Variants in UBE2E3 observed in about 807,000 individuals in gnomAD.
UBE2E3 encodes the protein ubiquitin conjugating enzyme E2 E3.
UBE2E3 carries 5 observed loss-of-function variants against 23.6 expected under a neutral mutation model. That is an observed-to-expected ratio of 0.21 (90% CI 0.11 to 0.44). The LOEUF (loss-of-function observed/expected upper bound fraction) is 0.44. Among genes scored for constraint, UBE2E3 ranks in the 20% least tolerant of loss-of-function variants. The pLI is 0.99. For missense variants in UBE2E3, 81 were observed against 249.8 expected (o/e 0.32, Z 4.55); for synonymous variants, 78 against 87.5 (o/e 0.89, Z 0.60).
At chr2:180,999,273 A>G (rs186512769) in intron 3 of UBE2E3, among the ~76,000 whole-genome samples, 1 of 152,304 alleles carries the variant, frequency 6.6e-6, no homozygotes, top group East Asian at 1.9e-4. Context: ...AAGAAGAAAA[A>G]CTGAACATTT....
At chr2:181,046,156 G>A (rs148290757) in intron 3 of UBE2E3, among the ~76,000 whole-genome samples, 7 of 152,086 alleles carry the variant, frequency 4.6e-5, no homozygotes, top group Non-Finnish European at 1.0e-4. Flanking sequence ...CCCCACATAA[G>A]TGCCAGCTAT....
At chr2:180,996,486 A>G (rs1684823172) in intron 3 of UBE2E3, among the ~76,000 whole-genome samples, 1 of 152,204 alleles carries the variant, frequency 6.6e-6, no homozygotes. Context: ...TTGTTAATAT[A>G]CAAGAAGCAT....
At chr2:180,987,671 A>T (rs1361700529) in intron 3 of UBE2E3, among the ~76,000 whole-genome samples, 1 of 152,176 alleles carries the variant, frequency 6.6e-6, no homozygotes, top group Non-Finnish European at 1.5e-5. Context: ...TAATGAAATC[A>T]TAAAAGAAGC....
intron 3 of UBE2E3, among the ~76,000 whole-genome samples, chr2:181,052,627 T>C (rs1197847242): frequency 7.1e-6 from 1 of 140,416 alleles, no homozygotes; most frequent in East Asian, 2.9e-4. Flanking sequence ...CTTTCACACA[T>C]TTTAACACCA....
intron 3 of UBE2E3, among the ~76,000 whole-genome samples, chr2:181,004,632 A>G (rs892770309): frequency 1.0e-4 from 15 of 149,218 alleles, no homozygotes; most frequent in African/African-American, 3.4e-4. Context: ...CTCCATCTCA[A>G]AAAAAAAAAA....
At chr2:181,042,480 A>G (rs973584372) in intron 3 of UBE2E3, among the ~76,000 whole-genome samples, 2 of 152,200 alleles carry the variant, frequency 1.3e-5, no homozygotes, top group Admixed American at 6.6e-5. Flanking sequence ...AATTGAATTC[A>G]GATAAAGAAT....
chr2:181,039,148 T>G (rs36015372), intron 3 of UBE2E3, among the ~76,000 whole-genome samples: 2 of 91,284 alleles, frequency 2.2e-5, no homozygotes, highest in East Asian at 3.6e-4. Context: ...TTTTTTTTTT[T>G]GGAAATAGGG....
intron 3 of UBE2E3, among the ~76,000 whole-genome samples, chr2:181,054,173 T>A (rs1359658147): frequency 2.0e-5 from 3 of 151,870 alleles, no homozygotes; most frequent in African/African-American, 7.2e-5. Context: ...TGCAGAATTT[T>A]GTGTGGACAT....
intron 3 of UBE2E3, among the ~76,000 whole-genome samples, chr2:181,042,833 A>G (rs79957882): frequency 0.015 from 2,227 of 152,292 alleles, 56 homozygotes; most frequent in African/African-American, 0.05. Context: ...TATAACCCCA[A>G]AGGCAGGTGC....
At chr2:181,011,409 C>T (rs902931598) in intron 3 of UBE2E3, among the ~76,000 whole-genome samples, 2 of 152,028 alleles carry the variant, frequency 1.3e-5, no homozygotes, top group Non-Finnish European at 2.9e-5. Context: ...AATTAACTCA[C>T]TCTAGGGTGG....
intron 3 of UBE2E3, among the ~76,000 whole-genome samples, chr2:180,994,747 G>T (rs576915851): frequency 1.3e-5 from 2 of 152,134 alleles, no homozygotes; most frequent in African/African-American, 2.4e-5. Context: ...CAGGTGAATG[G>T]TGTAGCCTAG....
rs1684240750 is a variant in UBE2E3, at chr2:180,980,636, C to G, written c.-363C>G. 1 of 143,264 alleles carries G rather than the reference C, an allele frequency of 7.0e-6. No individual in the cohort carries two copies. Among genetic ancestry groups the G allele is most frequent in the Admixed American group, 6.9e-5 (1 of 14,546 alleles). The allele number at this position is 143,264 out of a possible 1,614,324, so 8.9% of individuals were successfully genotyped here. A position where few individuals can be genotyped will look rare whatever the true frequency, so the allele number is the denominator to read the frequency against. ...TGCTGACTGCGCGGCCGGGAGGAGCCGAGCCGGGCGGCGGCGGCGGGAGGC... is the reference window on the plus strand; with the variant it reads ...TGCTGACTGCGCGGCCGGGAGGAGCGGAGCCGGGCGGCGGCGGCGGGAGGC... On this transcript the variant is annotated 5_prime_UTR_variant, in exon 1 of 6. Transcript: ENST00000410062. This position sits in a 1 kb window ranked among gnomAD's most constrained non-coding sequence, Gnocchi z 5.5.
Position 181,060,826 on chromosome 2 carries a change from T to C in UBE2E3, c.526+14T>C. 1 of 1,581,858 alleles carries C rather than the reference T, an allele frequency of 6.3e-7. No homozygotes were observed. Among genetic ancestry groups the C allele is most frequent in the South Asian group, 1.2e-5 (1 of 86,316 alleles). On this transcript the variant is annotated intron_variant, in intron 5 of 5. Transcript: ENST00000410062. ...ACTGCAACCCTGGTAAGCAAATCTTTATTAACATGTACAATAAGACTACAA... is the reference window on the plus strand; with the variant it reads ...ACTGCAACCCTGGTAAGCAAATCTTCATTAACATGTACAATAAGACTACAA...
Position 181,016,001 on chromosome 2 carries a change from A to G in UBE2E3, c.245+31908A>G, listed in dbSNP as rs946104752. Among the ~76,000 whole-genome samples, 6 of 152,150 alleles carry G rather than the reference A, an allele frequency of 3.9e-5. 1 individual carries two copies. Among genetic ancestry groups the G allele is most frequent in the Admixed American group, 3.3e-4 (5 of 15,256 alleles). ...GAGTCCAGAGTAATTAGCCATGAAG[A>G]TTAAAATTTGTTCAATTCAACTAGC... On this transcript the variant is annotated intron_variant, in intron 3 of 5. Coordinates refer to ENST00000410062, the MANE Select transcript of UBE2E3 (RefSeq NM_006357.4).
chr2:181,058,117 T>C (rs1332508747), intron 4 of UBE2E3, among the ~76,000 whole-genome samples: 1 of 151,748 alleles, frequency 6.6e-6, no homozygotes, highest in Non-Finnish European at 1.5e-5. Flanking sequence ...TGAACCTTCA[T>C]TAATACCTTA....
intron 3 of UBE2E3, among the ~76,000 whole-genome samples, chr2:181,001,899 C>CT (rs1356342135): frequency 6.6e-6 from 1 of 152,134 alleles, no homozygotes; most frequent in Non-Finnish European, 1.5e-5. Flanking sequence ...AATGGCAAGA[C>CT]TGTCTTTACT....
At chr2:180,992,251 A>T (rs1684681507) in intron 3 of UBE2E3, among the ~76,000 whole-genome samples, 1 of 141,008 alleles carries the variant, frequency 7.1e-6, no homozygotes, top group African/African-American at 2.6e-5. Context: ...CTTTGCTTTC[A>T]AATACTCTTT....
intron 3 of UBE2E3, among the ~76,000 whole-genome samples, chr2:180,998,835 G>A (rs1235083007): frequency 6.6e-6 from 1 of 152,084 alleles, no homozygotes; most frequent in Non-Finnish European, 1.5e-5. Flanking sequence ...ATCGTCAACG[G>A]CAGTTCCTTC....
chr2:181,051,986 T>C (rs911269478), intron 3 of UBE2E3, among the ~76,000 whole-genome samples: 1 of 151,930 alleles, frequency 6.6e-6, no homozygotes, highest in Non-Finnish European at 1.5e-5. Context: ...TGGATACATT[T>C]CTGAGTCACT....
Sources: gnomAD v4.1 joint callset for allele counts (sites outside exome capture counted in the v4.1 genomes callset) on GRCh38, gnomAD v4.1.1 for gene constraint, Gnocchi (gnomAD v3.1) non-coding constraint, MANE v1.5 for transcripts, NCBI Gene and HGNC (gene_info 2026-07-23, HGNC 2026-07-21) for gene names.